The following SHISA9 variants were observed in gnomAD, a reference collection of about 807,000 sequenced individuals.
SHISA9 encodes the protein shisa family member 9.
SHISA9 carries 13 observed loss-of-function variants against 38.0 expected under a neutral mutation model. That is an observed-to-expected ratio of 0.34 (90% confidence interval 0.22 to 0.54). SHISA9 has a LOEUF of 0.54. SHISA9 is among the 20% of genes least tolerant of loss of function. The pLI is 0.91. For missense variants in SHISA9, 538 were observed against 575.8 expected, an observed-to-expected ratio of 0.93 and a Z score of 0.67; for synonymous variants, 275 against 242.0, an observed-to-expected ratio of 1.14 and a Z score of -1.27.
At position 13,192,383 on chromosome 16, in the gene SHISA9, T is replaced by C. The variant is rs2050893580; in HGVS notation, c.692-11011T>C. On this transcript the variant is annotated intron_variant, in intron 2 of 4. Transcript: ENST00000558583. ...TATGTATCTAAAATAAAATAAAATTTGAAAAAGAAAGCTTTGGAAAAATTT... is the reference window on the plus strand; with the variant it reads ...TATGTATCTAAAATAAAATAAAATTCGAAAAAGAAAGCTTTGGAAAAATTT... Among the ~76,000 whole-genome samples the C allele has an allele frequency of 2.6e-5, 4 of 152,008 alleles. No individual in the cohort carries two copies. In the South Asian group the frequency reaches 8.3e-4, roughly 32 times the overall value.
the SHISA9 span, among the ~76,000 whole-genome samples, chr16:13,528,718 G>A: frequency 2.6e-5 from 4 of 152,076 alleles, no homozygotes; most frequent in African/African-American, 7.2e-5. Flanking sequence ...ATCTCCCCAC[G>A]GTAACATAGA....
chr16:12,911,206 T>C (rs1022911053), intron 1 of SHISA9: 2 of 974,322 alleles, frequency 2.1e-6, no homozygotes, highest in Non-Finnish European at 2.4e-6. Context: ...CTCCTGCTTA[T>C]TGATTCAGAA....
At position 13,048,187 on chromosome 16, in the gene SHISA9, C is replaced by G. The variant is rs377698674; in HGVS notation, c.691+131372C>G. ...GTATAACTCATCTCTTATTTGTTTTCCCATATACTCCTGTTTTGATAAATG... is the reference window on the plus strand; with the variant it reads ...GTATAACTCATCTCTTATTTGTTTTGCCATATACTCCTGTTTTGATAAATG... On this transcript the variant is annotated intron_variant, in intron 2 of 4. Coordinates refer to ENST00000558583, the MANE Select transcript of SHISA9 (RefSeq NM_001145204.3). 7.3e-4 allele frequency among the ~76,000 whole-genome samples: 111 copies of G among 152,276 alleles called. No individual in the cohort carries two copies. The East Asian group carries it at 0.01, about 14-fold the overall frequency.
intron 4 of SHISA9, among the ~76,000 whole-genome samples, chr16:13,231,090 C>T (rs2051327726): frequency 6.6e-6 from 1 of 152,202 alleles, no homozygotes. Flanking sequence ...AGGTGTCAAC[C>T]TCATTTTACC....
At chr16:13,056,434 T>A (rs1290165925) in intron 2 of SHISA9, among the ~76,000 whole-genome samples, 1 of 152,228 alleles carries the variant, frequency 6.6e-6, no homozygotes, top group South Asian at 2.1e-4. Context: ...GAGATCTGTG[T>A]TGATCCATCT....
chr16:13,300,639 G>A, the SHISA9 span, among the ~76,000 whole-genome samples: 1 of 152,130 alleles, frequency 6.6e-6, no homozygotes, highest in Non-Finnish European at 1.5e-5. Flanking sequence ...TCATTCTGAT[G>A]TACTCCCAGG....
intron 2 of SHISA9, among the ~76,000 whole-genome samples, chr16:13,021,900 G>A (rs1360858087): frequency 6.6e-6 from 1 of 152,188 alleles, no homozygotes; most frequent in Admixed American, 6.5e-5. Flanking sequence ...CGTAACAAAT[G>A]ACCACACACT....
intron 1 of SHISA9, among the ~76,000 whole-genome samples, chr16:12,905,769 T>G (rs2141705466): frequency 6.6e-6 from 1 of 152,172 alleles, no homozygotes; most frequent in East Asian, 1.9e-4. Flanking sequence ...TTTTTTTGAA[T>G]TTTTAGTAGA....
intron 4 of SHISA9, among the ~76,000 whole-genome samples, chr16:13,217,009 C>A (rs1293047408): frequency 5.9e-5 from 9 of 152,036 alleles, no homozygotes; most frequent in Non-Finnish European, 1.2e-4. Flanking sequence ...CGGTGGCTCA[C>A]GCCTGTAATC....
At chr16:13,542,592 GCC>G in the SHISA9 span, among the ~76,000 whole-genome samples, 19 of 151,888 alleles carry the variant, frequency 1.3e-4, no homozygotes, top group African/African-American at 3.9e-4. Context: ...GAATAAGTAT[GCC>G]CCCCCCTACT....
the SHISA9 span, among the ~76,000 whole-genome samples, chr16:13,428,765 G>GTT: frequency 9.6e-3 from 762 of 79,278 alleles, 17 homozygotes; most frequent in East Asian, 0.052. Context: ...TTATTTTATT[G>GTT]TTTTATTGTT....
intron 2 of SHISA9, among the ~76,000 whole-genome samples, chr16:13,098,479 GTT>G (rs777365506): frequency 2.0e-4 from 31 of 152,258 alleles, no homozygotes; most frequent in Admixed American, 3.9e-4. Flanking sequence ...CTGGCCCTGT[GTT>G]TTCCCTCTTG....
At chr16:13,380,046 A>C in the SHISA9 span, among the ~76,000 whole-genome samples, 1 of 152,152 alleles carries the variant, frequency 6.6e-6, no homozygotes, top group Admixed American at 6.5e-5. Flanking sequence ...AGATAAAATT[A>C]AGAACATCTC....
chr16:13,215,013 T>C lies in SHISA9; in HGVS notation c.895+1713T>C, dbSNP rs549232359. ...CTAAGTGGAGACTGGATTAGGGGAC[T>C]GTGGACTAGAGTTGCAGACACCCAC... On this transcript the variant is annotated intron_variant, in intron 4 of 4. Transcript: ENST00000558583. Among the ~76,000 whole-genome samples, 6 of 152,240 alleles carry C rather than the reference T, an allele frequency of 3.9e-5. No homozygotes were observed. In the East Asian group the frequency reaches 1.2e-3, roughly 29 times the overall value.
the SHISA9 span, among the ~76,000 whole-genome samples, chr16:13,408,401 T>C: frequency 6.6e-6 from 1 of 152,222 alleles, no homozygotes; most frequent in East Asian, 1.9e-4. Context: ...TTATTAATAA[T>C]TGACTAATAA....
the SHISA9 span, among the ~76,000 whole-genome samples, chr16:13,550,493 G>T: frequency 6.6e-6 from 1 of 152,132 alleles, no homozygotes; most frequent in Non-Finnish European, 1.5e-5. Context: ...CTTAACCATA[G>T]ATCAGCAAAC....
At chr16:12,946,573 T>C (rs776813401) in intron 2 of SHISA9, among the ~76,000 whole-genome samples, 40 of 152,284 alleles carry the variant, frequency 2.6e-4, no homozygotes, top group Middle Eastern at 6.8e-3. Flanking sequence ...ACAGAGAAAG[T>C]TCTGGAACAT....
chr16:13,330,400 A>T, the SHISA9 span, among the ~76,000 whole-genome samples: 1 of 152,362 alleles, frequency 6.6e-6, no homozygotes, highest in African/African-American at 2.4e-5. Flanking sequence ...TGATTTAAAA[A>T]TAGGTACTAT....
chr16:13,493,117 A>G, the SHISA9 span, among the ~76,000 whole-genome samples: 2 of 152,222 alleles, frequency 1.3e-5, no homozygotes, highest in Admixed American at 1.3e-4. Flanking sequence ...CTGTGTCCCT[A>G]TTGCTTGGCA....
Sources: gnomAD v4.1 joint callset for allele counts (sites outside exome capture counted in the v4.1 genomes callset) on GRCh38, gnomAD v4.1.1 for gene constraint, MANE v1.5 for transcripts, NCBI Gene and HGNC (gene_info 2026-07-23, HGNC 2026-07-21) for gene names.